The following DAAM1 variants were observed in gnomAD, a reference collection of about 807,000 sequenced individuals.
The protein encoded by DAAM1 is dishevelled associated activator of morphogenesis 1.
In DAAM1, 52 loss-of-function variants were observed where a neutral mutation model predicts 130.0. That is an observed-to-expected ratio of 0.40 (90% confidence interval 0.32 to 0.50). The LOEUF is 0.50. Ranked by LOEUF, DAAM1 falls within the 20% of genes least tolerant of loss-of-function variation. The pLI is 0.61. For synonymous variants in DAAM1, 452 were observed against 444.5 expected (o/e 1.02, Z -0.21); for missense variants, 1,134 against 1,303.8 (o/e 0.87, Z 2.01).
In DAAM1 at chr14:59,326,004, C is replaced by A. The variant is rs758415107; in HGVS notation, c.1101C>A (p.Thr367=). Residue 367 remains threonine (T), a synonymous_variant, in exon 10 of 25, where the codon ACC becomes ACA. Transcript: ENST00000360909. ...GTGCAACTCAGATGTTTGAGCTGACCAGGAAGAGGCTGACACATAGTGAAG... is the reference window on the plus strand; with the variant it reads ...GTGCAACTCAGATGTTTGAGCTGACAAGGAAGAGGCTGACACATAGTGAAG... ...TKSATQMFEL[T]RKRLTHSEAY... The A allele has an allele frequency of 4.3e-6, 7 of 1,614,144 alleles. No homozygotes were observed. In the South Asian group the frequency reaches 7.7e-5, roughly 18 times the overall value.
At chr14:59,220,417 C>G (rs1054716486) in intron 1 of DAAM1, among the ~76,000 whole-genome samples, 3 of 152,198 alleles carry the variant, frequency 2.0e-5, no homozygotes, top group East Asian at 3.9e-4. Context: ...GTTAAATATT[C>G]TGTATTAGAA....
At chr14:59,246,899 T>C (rs1053072725) in intron 1 of DAAM1, among the ~76,000 whole-genome samples, 3 of 152,078 alleles carry the variant, frequency 2.0e-5, no homozygotes, top group Admixed American at 6.6e-5. Flanking sequence ...TTTAATGGAG[T>C]TATTTGGTTT....
intron 17 of DAAM1, among the ~76,000 whole-genome samples, chr14:59,350,104 G>A (rs1386020130): frequency 1.3e-5 from 2 of 152,062 alleles, no homozygotes; most frequent in East Asian, 1.9e-4. Context: ...ATCCTGAACA[G>A]TGTCACCGTT....
In DAAM1 at chr14:59,368,691, T is replaced by C; in HGVS notation, c.3039T>C (p.Ala1013=). 5 of 1,613,772 alleles carry C rather than the reference T, an allele frequency of 3.1e-6. No individual in the cohort carries two copies. The highest frequency in any genetic ancestry group is 4.2e-6 in the Non-Finnish European group (5 of 1,179,798). Residue 1013 remains alanine (A), a synonymous_variant, in exon 25 of 25, where the codon GCT becomes GCC. Coordinates refer to ENST00000360909, the MANE Select transcript of DAAM1 (RefSeq NM_001270520.2). The part of the protein sequence containing the change: ...QRERERKMRK[A]KENSEESGEF... ...AAAGGGAACGTAAAATGAGAAAAGC[T>C]AAAGAGAATAGTGAAGAAAGCGGAG... is the stretch of plus-strand genomic sequence containing the variant.
At chr14:59,255,917 C>G (rs761658133) in intron 1 of DAAM1, among the ~76,000 whole-genome samples, 2 of 152,184 alleles carry the variant, frequency 1.3e-5, no homozygotes, top group African/African-American at 4.8e-5. Flanking sequence ...TGTAAAAACT[C>G]TCACAACTTC....
intron 16 of DAAM1, among the ~76,000 whole-genome samples, chr14:59,344,892 C>T (rs537152764): frequency 1.3e-5 from 2 of 152,196 alleles, no homozygotes; most frequent in Non-Finnish European, 2.9e-5. Context: ...CAGAAGGACT[C>T]AGCAGAACTA....
intron 20 of DAAM1, among the ~76,000 whole-genome samples, chr14:59,355,653 A>G (rs1368391571): frequency 6.6e-6 from 1 of 152,004 alleles, no homozygotes; most frequent in Non-Finnish European, 1.5e-5. Context: ...ACTTTTTATT[A>G]TAATATACTA....
chr14:59,293,649 T>C (rs1883840208), intron 3 of DAAM1, among the ~76,000 whole-genome samples: 1 of 152,208 alleles, frequency 6.6e-6, no homozygotes, highest in South Asian at 2.1e-4. Flanking sequence ...TCCCATGGGT[T>C]CTAGATTTGC....
intron 10 of DAAM1, 118 bp from the exon 11 acceptor site, chr14:59,326,392 G>A: frequency 8.0e-6 from 8 of 1,001,002 alleles, no homozygotes; most frequent in Non-Finnish European, 1.2e-5. Context: ...AAGCATTGGT[G>A]CAGATGTTAT....
chr14:59,355,397 C>T, intron 20 of DAAM1, 64 bp downstream of exon 20: 1 of 1,576,648 alleles, frequency 6.3e-7, no homozygotes, highest in Non-Finnish European at 8.6e-7. Context: ...CAGATTTATG[C>T]CTCTCTGGTC....
chr14:59,324,045 GT>G (rs1480244188), intron 6 of DAAM1, 82 bp from the exon 7 acceptor site: 1 of 936,254 alleles, frequency 1.1e-6, no homozygotes, highest in Non-Finnish European at 1.5e-6. Context: ...AAAAAAAAAA[GT>G]TAACTTTTGA....
Position 59,323,009 on chromosome 14 carries a change from G to A in DAAM1, c.558G>A (p.Lys186=), listed in dbSNP as rs8022614. The A allele has an allele frequency of 0.39, 621,319 of 1,613,802 alleles. 124,603 individuals are homozygous for A. Among genetic ancestry groups the A allele is most frequent in the East Asian group, 0.54 (24,266 of 44,832 alleles). ...RIHTSLIGCI[K]ALMNNSQGRA... ...ATACTTCTCTCATTGGCTGTATAAA[G>A]GCGTTAATGAACAACTCTCAAGGCC... Residue 186 remains lysine, a synonymous_variant, in exon 6 of 25, where the codon AAG becomes AAA. Transcript: ENST00000360909.
intron 1 of DAAM1, among the ~76,000 whole-genome samples, chr14:59,243,191 A>C (rs991748559): frequency 6.6e-6 from 1 of 152,182 alleles, no homozygotes; most frequent in Admixed American, 6.5e-5. Flanking sequence ...GGCTAGGGAA[A>C]TTCAGAGTCC....
At chr14:59,212,928 T>C (rs929572514) in intron 1 of DAAM1, among the ~76,000 whole-genome samples, 1 of 152,176 alleles carries the variant, frequency 6.6e-6, no homozygotes. Context: ...CTTTTATCAA[T>C]CGCAGCATAT....
chr14:59,203,551 TAAAC>T (rs755299040), intron 1 of DAAM1, among the ~76,000 whole-genome samples: 2 of 152,344 alleles, frequency 1.3e-5, no homozygotes, highest in Middle Eastern at 3.4e-3. Context: ...TTCCTCTAAA[TAAAC>T]AGAGTATGAC....
At chr14:59,210,592 A>T (rs141998539) in intron 1 of DAAM1, among the ~76,000 whole-genome samples, 154 of 152,336 alleles carry the variant, frequency 1.0e-3, no homozygotes, top group African/African-American at 3.6e-3. Flanking sequence ...CTCTTGCTTC[A>T]GTTTCGCATA....
chr14:59,322,804 T>A (rs1885063407), intron 5 of DAAM1, 88 bp from the exon 6 acceptor site: 4 of 1,097,540 alleles, frequency 3.6e-6, no homozygotes, highest in Admixed American at 2.3e-5. Context: ...AACTAAATCT[T>A]TCTTTCCCCT....
intron 1 of DAAM1, among the ~76,000 whole-genome samples, chr14:59,206,008 G>A (rs1388308440): frequency 6.6e-6 from 1 of 151,756 alleles, no homozygotes; most frequent in Non-Finnish European, 1.5e-5. Flanking sequence ...GGACTACTAT[G>A]CCTGTCTAAA....
intron 21 of DAAM1, 75 bp downstream of exon 21, chr14:59,359,579 C>T: frequency 9.3e-7 from 1 of 1,078,812 alleles, no homozygotes; most frequent in South Asian, 1.4e-5. Context: ...GTTTGCACTG[C>T]ATGAAGTCAG....
Sources: gnomAD v4.1 joint callset for allele counts (sites outside exome capture counted in the v4.1 genomes callset) on GRCh38, gnomAD v4.1.1 for gene constraint, MANE v1.5 for transcripts, NCBI Gene and HGNC (gene_info 2026-07-23, HGNC 2026-07-21) for gene names.